The following RBFOX1 variants were observed in gnomAD, a reference collection of about 807,000 sequenced individuals.
RBFOX1 encodes RNA binding fox-1 homolog 1.
In RBFOX1, 8 loss-of-function variants were observed where a neutral mutation model predicts 57.7. The ratio of observed to expected loss-of-function variants is 0.14; its 90% confidence interval spans 0.08 to 0.25. RBFOX1 has a LOEUF of 0.25. Ranked by LOEUF, RBFOX1 falls within the 10% of genes least tolerant of loss-of-function variation. RBFOX1 has a pLI of 1.00. For synonymous variants in RBFOX1, 326 were observed against 222.4 expected, an observed-to-expected ratio of 1.47 and a Z score of -4.15; for missense variants, 611 against 548.5, an observed-to-expected ratio of 1.11 and a Z score of -1.14.
chr16:5,700,593 G>A (rs923959755), intron 3 of RBFOX1, among the ~76,000 whole-genome samples: 5 of 152,086 alleles, frequency 3.3e-5, no homozygotes, highest in African/African-American at 9.7e-5. Context: ...ATTGATCCTG[G>A]TTGGAACTCG....
At chr16:7,394,390 C>G (rs1338916079) in intron 4 of RBFOX1, among the ~76,000 whole-genome samples, 3 of 151,942 alleles carry the variant, frequency 2.0e-5, no homozygotes, top group African/African-American at 7.3e-5. Context: ...TCCCTTCTGT[C>G]TCCTTAGTCT....
chr16:6,865,587 T>A (rs2059777509), intron 3 of RBFOX1, among the ~76,000 whole-genome samples: 1 of 152,166 alleles, frequency 6.6e-6, no homozygotes, highest in South Asian at 2.1e-4. Context: ...AGATAATATT[T>A]TGTGATACAT....
chr16:6,649,610 G>A (rs2098561568), intron 2 of RBFOX1, among the ~76,000 whole-genome samples: 1 of 152,140 alleles, frequency 6.6e-6, no homozygotes, highest in Admixed American at 6.5e-5. Flanking sequence ...ATGAGAACAT[G>A]CAATGTTTCG....
intron 2 of RBFOX1, among the ~76,000 whole-genome samples, chr16:5,524,416 C>G (rs534573932): frequency 1.6e-4 from 25 of 152,248 alleles, no homozygotes; most frequent in African/African-American, 6.0e-4. Flanking sequence ...TTAAAAATGT[C>G]TGAATTTGTG....
At position 6,380,322 on chromosome 16, in the gene RBFOX1, C is replaced by A. The variant is rs998425887; in HGVS notation, c.-64+63265C>A. ...AAGAGAACAGTGACGGTGGTGGAGG[C>A]AGCAAAGGGAACACTGGAGGCTGAA... On this transcript the variant is annotated intron_variant, in intron 2 of 15. Transcript: ENST00000550418. Among the ~76,000 whole-genome samples the A allele has an allele frequency of 2.1e-5, 3 of 145,996 alleles. No individual in the cohort carries two copies. The Admixed American group carries it at 2.1e-4, about 10-fold the overall frequency.
At chr16:6,563,288 T>C (rs1057263844) in intron 2 of RBFOX1, among the ~76,000 whole-genome samples, 6 of 152,228 alleles carry the variant, frequency 3.9e-5, no homozygotes, top group African/African-American at 1.4e-4. Flanking sequence ...CATTATTCTT[T>C]ATGAACATTT....
chr16:6,289,451 T>C (rs1280292986), intron 1 of RBFOX1, among the ~76,000 whole-genome samples: 2 of 152,182 alleles, frequency 1.3e-5, no homozygotes, highest in Non-Finnish European at 2.9e-5. Context: ...GTCATCATCC[T>C]AATCATTCCC....
chr16:5,594,065 T>C (rs1051814486), intron 2 of RBFOX1, among the ~76,000 whole-genome samples: 1 of 152,070 alleles, frequency 6.6e-6, no homozygotes, highest in African/African-American at 2.4e-5. Context: ...TGCACAATGT[T>C]GGTCCACGTA....
chr16:7,308,236 C>T (rs923574788), intron 4 of RBFOX1, among the ~76,000 whole-genome samples: 3 of 150,886 alleles, frequency 2.0e-5, no homozygotes, highest in African/African-American at 7.3e-5. Flanking sequence ...AGGCAACAGA[C>T]AGGATGGATG....
chr16:5,794,881 A>G (rs2054823894), intron 3 of RBFOX1, among the ~76,000 whole-genome samples: 1 of 152,216 alleles, frequency 6.6e-6, no homozygotes, highest in Non-Finnish European at 1.5e-5. Context: ...ACATTCGGCA[A>G]GATGGAAGCT....
At chr16:6,366,552 C>A in intron 2 of RBFOX1, among the ~76,000 whole-genome samples, 1 of 152,182 alleles carries the variant, frequency 6.6e-6, no homozygotes, top group East Asian at 1.9e-4. Flanking sequence ...CTATATCACC[C>A]TTCAAGGGGG....
At chr16:5,431,541 G>A (rs1597037474) in intron 1 of RBFOX1, among the ~76,000 whole-genome samples, 1 of 152,034 alleles carries the variant, frequency 6.6e-6, no homozygotes, top group African/African-American at 2.4e-5. Context: ...TGCCCGGCTA[G>A]TTGTTGTATT....
chr16:6,140,614 G>A (rs779934047), intron 1 of RBFOX1, among the ~76,000 whole-genome samples: 6 of 152,104 alleles, frequency 3.9e-5, no homozygotes, highest in Non-Finnish European at 5.9e-5. Context: ...AGCCAGAAAA[G>A]ATTTGCTGCC....
chr16:6,433,802 C>T (rs1018277563), intron 2 of RBFOX1, among the ~76,000 whole-genome samples: 2 of 151,548 alleles, frequency 1.3e-5, no homozygotes, highest in East Asian at 1.9e-4. Flanking sequence ...TCTGCTCCAT[C>T]ATCACACCTC....
At chr16:6,605,982 G>A (rs1228210373) in intron 2 of RBFOX1, among the ~76,000 whole-genome samples, 1 of 151,970 alleles carries the variant, frequency 6.6e-6, no homozygotes, top group East Asian at 1.9e-4. Flanking sequence ...TGGGGGCAGT[G>A]CCTGTAGTCC....
Position 6,097,204 on chromosome 16 carries a change from G to A in RBFOX1, c.-127+77212G>A, listed in dbSNP as rs960926345. Among the ~76,000 whole-genome samples, 1 of 152,092 alleles carries A rather than the reference G, an allele frequency of 6.6e-6. No individual in the cohort carries two copies. Among genetic ancestry groups the A allele is most frequent in the Non-Finnish European group, 1.5e-5 (1 of 68,028 alleles). On this transcript the variant is annotated intron_variant, in intron 1 of 15. Coordinates refer to ENST00000550418, the MANE Select transcript of RBFOX1 (RefSeq NM_018723.4). The surrounding 1 kb of genome is among the most constrained non-coding windows in gnomAD (Gnocchi z 5.0). ...CTTTCGCTTTCTGCCATGATTGTGA[G>A]GCCTCCGTAGCCATGTGGAACTGTG...
chr16:6,741,147 G>A (rs1232648419), intron 3 of RBFOX1, among the ~76,000 whole-genome samples: 4 of 152,000 alleles, frequency 2.6e-5, no homozygotes, highest in Non-Finnish European at 5.9e-5. Context: ...CAATGGTGCT[G>A]GAACAATTGG....
intron 3 of RBFOX1, among the ~76,000 whole-genome samples, chr16:6,694,198 A>T (rs756635436): frequency 1.3e-5 from 2 of 152,148 alleles, no homozygotes; most frequent in Non-Finnish European, 2.9e-5. Context: ...CTTTAGGGCA[A>T]CTTCTATTGC....
intron 4 of RBFOX1, among the ~76,000 whole-genome samples, chr16:7,062,921 TTTTTTTTG>T (rs2054906764): frequency 8.0e-6 from 1 of 125,700 alleles, no homozygotes; most frequent in African/African-American, 2.8e-5. Context: ...TTTTTTTTTT[TTTTTTTTG>T]CTGAAGTTAG....
Sources: gnomAD v4.1 joint callset for allele counts (sites outside exome capture counted in the v4.1 genomes callset) on GRCh38, gnomAD v4.1.1 for gene constraint, Gnocchi (gnomAD v3.1) non-coding constraint, MANE v1.5 for transcripts, NCBI Gene and HGNC (gene_info 2026-07-23, HGNC 2026-07-21) for gene names.